GNAL: variants seen among roughly 807,000 people sequenced by gnomAD.
The protein encoded by GNAL is G protein subunit alpha L, also known as guanine nucleotide-binding protein G(olf) subunit alpha.
GNAL carries 18 observed loss-of-function variants against 55.1 expected under a neutral mutation model. The ratio of observed to expected loss-of-function variants is 0.33; its 90% CI spans 0.23 to 0.48. GNAL has a LOEUF of 0.48. GNAL is among the 20% of genes least tolerant of loss of function. The probability of loss-of-function intolerance (pLI) is 0.99; values close to 1 mark genes in which losing one functional copy is unlikely to be tolerated. For missense variants in GNAL, 412 were observed against 614.1 expected (o/e 0.67, Z 3.48); for synonymous variants, 253 against 237.0 (o/e 1.07, Z -0.62).
rs191688124 is a variant in GNAL, at chr18:11,848,504, T to A, written c.723-13891T>A. ...AGGAGTCTCTCTCTGTCACCCAGGC[T>A]GTAGTGCACTGGCGTGATCTCAGCT... On this transcript the variant is annotated intron_variant, in intron 5 of 11. Coordinates refer to ENST00000334049, the MANE Select transcript of GNAL (RefSeq NM_182978.4). Among the ~76,000 whole-genome samples, 219 of 151,674 alleles carry A rather than the reference T, an allele frequency of 1.4e-3. 2 individuals are homozygous for A. The highest frequency in any genetic ancestry group is 2.4e-3 in the Non-Finnish European group (165 of 67,880).
chr18:11,818,761 T>G (rs1319973304), intron 4 of GNAL, among the ~76,000 whole-genome samples: 1 of 152,168 alleles, frequency 6.6e-6, no homozygotes, highest in African/African-American at 2.4e-5. Context: ...GTGACGTAAA[T>G]GAAAGCAGTA....
chr18:11,813,257 A>AAAAAAAAG (rs1421136040), intron 4 of GNAL, among the ~76,000 whole-genome samples: 2 of 151,784 alleles, frequency 1.3e-5, no homozygotes, highest in Non-Finnish European at 2.9e-5. Context: ...TCCATCTTAA[A>AAAAAAAAG]AAAAAGAAAA....
chr18:11,805,477 A>G (rs2034635004), intron 4 of GNAL, among the ~76,000 whole-genome samples: 2 of 152,088 alleles, frequency 1.3e-5, no homozygotes, highest in Admixed American at 1.3e-4. Context: ...CGTTGTACCC[A>G]TTAAGTAATT....
chr18:11,821,789 G>A (rs1419149287), intron 4 of GNAL, among the ~76,000 whole-genome samples: 1 of 152,168 alleles, frequency 6.6e-6, no homozygotes, highest in Non-Finnish European at 1.5e-5. Context: ...GGAGGTCCTT[G>A]AGCAGGGGCC....
intron 4 of GNAL, among the ~76,000 whole-genome samples, chr18:11,778,869 G>A (rs1404852951): frequency 1.3e-5 from 2 of 152,136 alleles, no homozygotes; most frequent in African/African-American, 2.4e-5. Context: ...AGCAATGGTT[G>A]TCTGTTTCAA....
In GNAL at chr18:11,885,005, G is replaced by GTCT. The variant is rs563509148; in HGVS notation, c.*3873_*3875dup. 5.4e-4 allele frequency: 697 copies of GTCT among 1,300,776 alleles called. 6 individuals carry two copies. In the African/African-American group the frequency reaches 9.7e-3, roughly 18 times the overall value. The allele number at this position is 1,300,776 out of a possible 1,614,324, so 80.6% of individuals were successfully genotyped here. On this transcript the variant is annotated 3_prime_UTR_variant, in exon 12 of 12. Transcript: ENST00000334049. The stretch of plus-strand genomic sequence containing the variant: ...CAGCGAGGAACAAGGAGGGAAAGGT[G>GTCT]TCTTCCTGCCCCTTGATGCTCAACT...
intron 4 of GNAL, among the ~76,000 whole-genome samples, chr18:11,760,281 G>C (rs928174067): frequency 6.6e-6 from 1 of 152,178 alleles, no homozygotes; most frequent in Non-Finnish European, 1.5e-5. Context: ...GAAAGAACAT[G>C]AGGTCCCCAC....
At chr18:11,836,213 G>T (rs571433190) in intron 5 of GNAL, among the ~76,000 whole-genome samples, 1 of 151,972 alleles carries the variant, frequency 6.6e-6, no homozygotes, top group African/African-American at 2.4e-5. Flanking sequence ...TTGGGAGGCC[G>T]AGGTGGGCGG....
At chr18:11,701,191 C>G (rs758721932) in intron 1 of GNAL, among the ~76,000 whole-genome samples, 1 of 152,138 alleles carries the variant, frequency 6.6e-6, no homozygotes, top group East Asian at 1.9e-4. Flanking sequence ...TCACGTGGAA[C>G]CTCTCAGTAA....
chr18:11,797,898 G>C (rs910275426), intron 4 of GNAL, among the ~76,000 whole-genome samples: 6 of 152,180 alleles, frequency 3.9e-5, no homozygotes, highest in African/African-American at 1.4e-4. Flanking sequence ...TTTGGGATCA[G>C]CCAGTGAGCT....
chr18:11,749,617 C>T (rs550317844), intron 1 of GNAL, among the ~76,000 whole-genome samples: 1 of 152,182 alleles, frequency 6.6e-6, no homozygotes, highest in Non-Finnish European at 1.5e-5. Context: ...AAGGAGTCCA[C>T]AGTCTAGTGG....
chr18:11,752,911 T>C lies in GNAL; in HGVS notation c.435T>C (p.Asn145=), dbSNP rs1320320707. ...IVKQMRILHV[N]GFNPEEKKQK... ...AACAGATGAGGATCCTGCACGTCAA[T>C]GGGTTTAATCCCGAGTAAGAATGTT... The change falls in exon 2 of 12, where the codon AAT becomes AAC. Residue 145 remains asparagine, a synonymous_variant. Transcript: ENST00000334049. The surrounding 1 kb of genome is among the most constrained non-coding windows in gnomAD (Gnocchi z 4.5). The C allele has an allele frequency of 3.8e-6, 6 of 1,599,476 alleles. No individual in the cohort carries two copies. The highest frequency in any genetic ancestry group is 2.2e-5 in the East Asian group (1 of 44,810).
intron 4 of GNAL, among the ~76,000 whole-genome samples, chr18:11,818,066 T>TA (rs376490831): frequency 0.016 from 2,211 of 134,056 alleles, 49 homozygotes; most frequent in African/African-American, 0.049. Context: ...TACTAAAAAT[T>TA]AAAAAAAAAA....
intron 1 of GNAL, among the ~76,000 whole-genome samples, chr18:11,750,636 G>C (rs1391403675): frequency 2.0e-5 from 3 of 152,118 alleles, no homozygotes; most frequent in Admixed American, 1.3e-4. Flanking sequence ...TGGCCCCTGG[G>C]GGGCCCTAGA....
At chr18:11,826,128 A>G (rs2035237142) in intron 5 of GNAL, among the ~76,000 whole-genome samples, 1 of 152,120 alleles carries the variant, frequency 6.6e-6, no homozygotes, top group Admixed American at 6.5e-5. Context: ...TGTTGGCCCA[A>G]GCTCCTGCTT....
intron 1 of GNAL, among the ~76,000 whole-genome samples, chr18:11,718,136 T>C (rs1329790019): frequency 6.6e-6 from 1 of 152,188 alleles, no homozygotes; most frequent in Non-Finnish European, 1.5e-5. Context: ...AAAAGTTGCA[T>C]TCTTTATCAG....
chr18:11,829,316 CA>C (rs1019639191), intron 5 of GNAL, among the ~76,000 whole-genome samples: 2 of 150,988 alleles, frequency 1.3e-5, no homozygotes, highest in African/African-American at 4.9e-5. Flanking sequence ...TTAATACATA[CA>C]GGAATCATGT....
intron 4 of GNAL, among the ~76,000 whole-genome samples, chr18:11,758,485 T>C (rs1335728349): frequency 6.6e-6 from 1 of 151,988 alleles, no homozygotes; most frequent in Admixed American, 6.6e-5. Context: ...AAGCAAAAAA[T>C]AAAAAAACTC....
intron 4 of GNAL, among the ~76,000 whole-genome samples, chr18:11,754,396 G>T (rs534089847): frequency 4.2e-4 from 63 of 150,488 alleles, no homozygotes; most frequent in African/African-American, 1.4e-3. Context: ...CAGCCTGGGC[G>T]ACAGAGCGAG....
Sources: gnomAD v4.1 joint callset for allele counts (sites outside exome capture counted in the v4.1 genomes callset) on GRCh38, gnomAD v4.1.1 for gene constraint, Gnocchi (gnomAD v3.1) non-coding constraint, MANE v1.5 for transcripts, NCBI Gene and HGNC (gene_info 2026-07-23, HGNC 2026-07-21) for gene names.